Variants in CADM2 observed in about 807,000 individuals in gnomAD.
The protein encoded by CADM2 is cell adhesion molecule 2.
CADM2 carries 12 observed loss-of-function variants against 49.8 expected under a neutral mutation model. The ratio of observed to expected loss-of-function variants is 0.24; its 90% CI spans 0.15 to 0.39. The LOEUF (loss-of-function observed/expected upper bound fraction) is 0.39. Among genes scored for constraint, CADM2 ranks in the 10% least tolerant of loss-of-function variants. The pLI is 1.00. For synonymous variants in CADM2, 214 were observed against 175.4 expected, an observed-to-expected ratio of 1.22 and a Z score of -1.74; for missense variants, 378 against 492.3, an observed-to-expected ratio of 0.77 and a Z score of 2.20.
intron 5 of CADM2, among the ~76,000 whole-genome samples, chr3:85,896,499 T>C: frequency 6.6e-6 from 1 of 152,174 alleles, no homozygotes; most frequent in Non-Finnish European, 1.5e-5. Context: ...ACAAAACTTA[T>C]CTCCACATGC....
intron 1 of CADM2, among the ~76,000 whole-genome samples, chr3:85,476,113 T>C (rs1344545024): frequency 6.6e-6 from 1 of 151,934 alleles, no homozygotes; most frequent in Non-Finnish European, 1.5e-5. Flanking sequence ...TCTATTGAGA[T>C]GTCTGTTTTT....
intron 1 of CADM2, among the ~76,000 whole-genome samples, chr3:85,198,319 G>T (rs1472041171): frequency 6.6e-6 from 1 of 151,280 alleles, no homozygotes. Flanking sequence ...AGCAATATTA[G>T]AATGTCCTTT....
intron 1 of CADM2, among the ~76,000 whole-genome samples, chr3:85,489,597 T>G (rs1227968112): frequency 6.6e-6 from 1 of 151,600 alleles, no homozygotes; most frequent in Non-Finnish European, 1.5e-5. Context: ...GGCACATGTA[T>G]ACATATGTAA....
chr3:85,970,381 T>A (rs1261238386), intron 8 of CADM2, among the ~76,000 whole-genome samples: 1 of 151,512 alleles, frequency 6.6e-6, no homozygotes, highest in African/African-American at 2.4e-5. Context: ...ATATTAAAAG[T>A]GAAGCTCAAT....
chr3:85,060,875 T>G (rs934966566), intron 1 of CADM2, among the ~76,000 whole-genome samples: 4 of 152,080 alleles, frequency 2.6e-5, no homozygotes, highest in Admixed American at 2.6e-4. Context: ...ATCAACATAT[T>G]CAAATCAGTA....
intron 1 of CADM2, among the ~76,000 whole-genome samples, chr3:85,115,362 G>C (rs1413499874): frequency 6.6e-6 from 1 of 152,130 alleles, no homozygotes; most frequent in Non-Finnish European, 1.5e-5. Flanking sequence ...AATTATGTCA[G>C]TACATTAAAA....
intron 1 of CADM2, among the ~76,000 whole-genome samples, chr3:85,212,868 T>TCTCTCTCTCTCTC (rs1194802348): frequency 6.1e-5 from 6 of 97,912 alleles, no homozygotes; most frequent in Non-Finnish European, 9.4e-5. Context: ...CTTTCTTTCT[T>TCTCTCTCTCTCTC]TCTTTCTTTC....
chr3:85,767,423 T>G (rs2069714361), intron 2 of CADM2, among the ~76,000 whole-genome samples: 1 of 152,326 alleles, frequency 6.6e-6, no homozygotes, highest in Admixed American at 6.5e-5. Flanking sequence ...AGTAATATAT[T>G]ACTTCTCTAT....
chr3:85,980,730 T>C (rs1255816809), intron 8 of CADM2, among the ~76,000 whole-genome samples: 2 of 151,520 alleles, frequency 1.3e-5, no homozygotes, highest in African/African-American at 4.8e-5. Flanking sequence ...TCTGTAAGGT[T>C]TTTCACAAAC....
At chr3:84,992,658 A>G (rs2032958564) in intron 1 of CADM2, among the ~76,000 whole-genome samples, 2 of 151,934 alleles carry the variant, frequency 1.3e-5, no homozygotes, top group African/African-American at 4.8e-5. Flanking sequence ...TAAACAAATA[A>G]CTAGTTTTTT....
At chr3:85,533,823 G>T (rs1421289324) in intron 1 of CADM2, among the ~76,000 whole-genome samples, 3 of 152,136 alleles carry the variant, frequency 2.0e-5, no homozygotes, top group Admixed American at 2.0e-4. Context: ...CCATCTGGAT[G>T]CCGGAAGTTA....
chr3:85,432,937 A>G lies in CADM2; in HGVS notation c.62-293585A>G, dbSNP rs145788253. Among the ~76,000 whole-genome samples the G allele has an allele frequency of 2.5e-3, 380 of 152,178 alleles. 3 individuals carry two copies. Among genetic ancestry groups the G allele is most frequent in the African/African-American group, 8.6e-3 (357 of 41,534 alleles). On this transcript the variant is annotated intron_variant, in intron 1 of 9. Transcript: ENST00000383699. ...TACCTAAGAAAAAAAGAATCTCATT[A>G]TGCTCCAATTTTAGTGTTTGATATT... is the stretch of plus-strand genomic sequence containing the variant.
chr3:84,982,320 C>G (rs1302140658), intron 1 of CADM2, among the ~76,000 whole-genome samples: 2 of 151,820 alleles, frequency 1.3e-5, no homozygotes, highest in Non-Finnish European at 2.9e-5. Flanking sequence ...TTTAGTATTT[C>G]AAAATAAATA....
chr3:85,088,005 C>G (rs1341682488), intron 1 of CADM2, among the ~76,000 whole-genome samples: 3 of 152,066 alleles, frequency 2.0e-5, no homozygotes, highest in African/African-American at 7.2e-5. Context: ...CCATGGTGTT[C>G]AGTAAATATT....
intron 2 of CADM2, among the ~76,000 whole-genome samples, chr3:85,740,810 T>TGTC (rs2068348358): frequency 6.6e-6 from 1 of 152,224 alleles, no homozygotes; most frequent in African/African-American, 2.4e-5. Context: ...TGACTCACTG[T>TGTC]AGCAGTTCTG....
intron 8 of CADM2, among the ~76,000 whole-genome samples, chr3:85,986,991 A>G (rs558410840): frequency 6.6e-6 from 1 of 152,140 alleles, no homozygotes; most frequent in South Asian, 2.1e-4. Context: ...TTATATTCTA[A>G]TAGACCTTAT....
chr3:85,926,654 GT>G (rs773188714), intron 6 of CADM2, among the ~76,000 whole-genome samples: 17 of 148,548 alleles, frequency 1.1e-4, no homozygotes, highest in African/African-American at 2.2e-4. Context: ...CTATCGGGAG[GT>G]TTTTTTTTTA....
intron 1 of CADM2, among the ~76,000 whole-genome samples, chr3:85,287,539 T>C (rs757165735): frequency 4.6e-5 from 7 of 152,008 alleles, no homozygotes; most frequent in Non-Finnish European, 1.0e-4. Context: ...ATCAATTTCC[T>C]AAAAAAAGAT....
At chr3:85,725,362 CT>C (rs750400157) in intron 1 of CADM2, among the ~76,000 whole-genome samples, 11 of 151,754 alleles carry the variant, frequency 7.2e-5, no homozygotes, top group Non-Finnish European at 1.3e-4. Flanking sequence ...GAAATTAGAA[CT>C]TTTCATGTGT....
Sources: gnomAD v4.1 joint callset for allele counts (sites outside exome capture counted in the v4.1 genomes callset) on GRCh38, gnomAD v4.1.1 for gene constraint, MANE v1.5 for transcripts, NCBI Gene and HGNC (gene_info 2026-07-23, HGNC 2026-07-21) for gene names.